ILDR2: variants seen among roughly 807,000 people sequenced by gnomAD.
ILDR2 encodes immunoglobulin like domain containing receptor 2, also known as immunoglobulin-like domain-containing receptor 2.
A neutral mutation model predicts 66.8 loss-of-function variants in ILDR2; 25 were observed. The ratio of observed to expected loss-of-function variants is 0.37; its 90% confidence interval spans 0.27 to 0.52. The LOEUF (loss-of-function observed/expected upper bound fraction) is 0.52. ILDR2 is among the 20% of genes least tolerant of loss of function. The pLI is 0.88. For synonymous variants in ILDR2, 367 were observed against 357.2 expected (o/e 1.03, Z -0.31); for missense variants, 827 against 876.8 (o/e 0.94, Z 0.72).
At chr1:166,969,710 C>G (rs1169359278) in intron 1 of ILDR2, among the ~76,000 whole-genome samples, 1 of 152,220 alleles carries the variant, frequency 6.6e-6, no homozygotes, top group Non-Finnish European at 1.5e-5. Context: ...ATATCCAATG[C>G]CCCATAATAG....
At chr1:166,899,908 G>C (rs1659232475) in intron 2 of ILDR2, among the ~76,000 whole-genome samples, 1 of 152,180 alleles carries the variant, frequency 6.6e-6, no homozygotes, top group South Asian at 2.1e-4. Context: ...GACAATGCAA[G>C]GATTGGCTCT....
At chr1:166,966,763 T>C (rs2102017319) in intron 1 of ILDR2, among the ~76,000 whole-genome samples, 1 of 152,328 alleles carries the variant, frequency 6.6e-6, no homozygotes, top group South Asian at 2.1e-4. Flanking sequence ...GAGGTCAGTC[T>C]TTACCCTGCA....
At chr1:166,899,482 C>T (rs780349900) in intron 2 of ILDR2, among the ~76,000 whole-genome samples, 4 of 151,968 alleles carry the variant, frequency 2.6e-5, no homozygotes, top group Non-Finnish European at 5.9e-5. Flanking sequence ...TGAACATACA[C>T]GTGCTAACCA....
rs1377332250 is a variant in ILDR2 at position 166,915,615 on chromosome 1, T to C, written c.*3740A>G. On this transcript the variant is annotated 3_prime_UTR_variant, in exon 10 of 10. Transcript: ENST00000271417. ...CCTAATAGGTTTGTGACTTCATTAA[T>C]GGCAGTGATGGTTTCTTCACCTATT... 1 of 152,228 alleles carries C rather than the reference T, an allele frequency of 6.6e-6. No homozygotes were observed. Among genetic ancestry groups the C allele is most frequent in the Non-Finnish European group, 1.5e-5 (1 of 68,044 alleles). The allele number at this position is 152,228 out of a possible 1,614,324, so 9.4% of individuals were successfully genotyped here.
chr1:166,956,070 C>T (rs2101976070), intron 3 of ILDR2, among the ~76,000 whole-genome samples: 1 of 152,184 alleles, frequency 6.6e-6, no homozygotes, highest in Admixed American at 6.5e-5. Context: ...TCCTCCAATC[C>T]ACAAAAAAGG....
At chr1:166,903,456 T>C (rs181762066), downstream of ILDR2, among the ~76,000 whole-genome samples, 3 of 152,332 alleles carry the variant, frequency 2.0e-5, no homozygotes, top group Non-Finnish European at 2.9e-5. Context: ...TTCAGTCAAG[T>C]AAGGTGGGTG....
In ILDR2 at chr1:166,915,474, C is replaced by T. The variant is rs150014163; in HGVS notation, c.*3881G>A. 1.6e-4 allele frequency: 24 copies of T among 152,310 alleles called. 1 individual carries two copies. The East Asian group carries it at 3.9e-3, about 25-fold the overall frequency. 9.4% of individuals were successfully genotyped at this position (152,310 alleles called of 1,614,324 possible). Reference sequence around the variant, plus strand: ...GCTCTAGACCCACCCAATCAATCTCCAAAACAGGGTCCAACAATACCTTTT... The same window carrying T: ...GCTCTAGACCCACCCAATCAATCTCTAAAACAGGGTCCAACAATACCTTTT... On this transcript the variant is annotated 3_prime_UTR_variant, in exon 10 of 10. Transcript: ENST00000271417.
At position 166,946,867 on chromosome 1, in the gene ILDR2, A is replaced by G. The variant is rs915897786; in HGVS notation, c.500-7297T>C. On this transcript the variant is annotated intron_variant, in intron 3 of 9. Coordinates refer to ENST00000271417, the MANE Select transcript of ILDR2 (RefSeq NM_199351.3). Reference sequence around the variant, plus strand: ...TGTTTTTGGCACTACTGCTCTACTTATGTAATTAAAATACAATTTTTGGAT... The same window carrying G: ...TGTTTTTGGCACTACTGCTCTACTTGTGTAATTAAAATACAATTTTTGGAT... 2.6e-5 allele frequency among the ~76,000 whole-genome samples: 4 copies of G among 152,234 alleles called. No homozygotes were observed. In the East Asian group the frequency reaches 7.7e-4, roughly 29 times the overall value.
At position 166,921,160 on chromosome 1, in the gene ILDR2, G is replaced by A. The variant is rs1659908924; in HGVS notation, c.1431C>T (p.Tyr477=). Reference sequence around the variant, plus strand: ...CGCGGCTGCGGCTGCGCTGACCGTAGTACTCCTCCAAGGAGTCGTCCTGGT... The same window carrying A: ...CGCGGCTGCGGCTGCGCTGACCGTAATACTCCTCCAAGGAGTCGTCCTGGT... The part of the protein sequence containing the change: ...GFYQDDSLEE[Y]YGQRSRSREP... Residue 477 remains tyrosine (Y), a synonymous_variant, in exon 9 of 10, where the codon TAC becomes TAT. Coordinates refer to ENST00000271417, the MANE Select transcript of ILDR2 (RefSeq NM_199351.3). The surrounding 1 kb of genome is among the most constrained non-coding windows in gnomAD (Gnocchi z 5.3). 1 of 1,543,454 alleles carries A rather than the reference G, an allele frequency of 6.5e-7. No individual in the cohort carries two copies. The highest frequency in any genetic ancestry group is 1.9e-5 in the Admixed American group (1 of 51,682).
intron 3 of ILDR2, among the ~76,000 whole-genome samples, chr1:166,948,124 G>A (rs1280688408): frequency 6.6e-6 from 1 of 152,048 alleles, no homozygotes; most frequent in East Asian, 1.9e-4. Flanking sequence ...CCCCAGGAAC[G>A]AAATGCCAGA....
chr1:166,920,904 C>A lies in ILDR2; in HGVS notation c.1687G>T (p.Ala563Ser). Residue 563 changes from alanine to serine, a missense_variant, in exon 9 of 10, where the codon GCC (alanine) becomes TCC (serine). Physicochemically the swap from Ala to Ser is moderately conservative, Grantham distance 99. Transcript: ENST00000271417. ...GGCGGCGACCAAGCGTAGTAGGAGG[C>A]GCTGCGCGGGCCGAGCTGCGCGCTC... The part of the protein sequence containing the change: ...KRSAQLGPRS[A>S]SYYAWSPPGT... 6.8e-7 allele frequency: 1 copy of A among 1,477,738 alleles called. No individual in the cohort carries two copies. The highest frequency in any genetic ancestry group is 8.9e-7 in the Non-Finnish European group (1 of 1,119,982). 91.5% of individuals were successfully genotyped at this position (1,477,738 alleles called of 1,614,324 possible).
chr1:166,967,673 C>T (rs1663043739), intron 1 of ILDR2, among the ~76,000 whole-genome samples: 2 of 152,166 alleles, frequency 1.3e-5, no homozygotes, highest in Non-Finnish European at 2.9e-5. Flanking sequence ...ACAAGAACTG[C>T]TTGATCTGGG....
chr1:166,959,446 C>G (rs1393503362), intron 1 of ILDR2, among the ~76,000 whole-genome samples: 1 of 152,074 alleles, frequency 6.6e-6, no homozygotes, highest in Non-Finnish European at 1.5e-5. Flanking sequence ...AAGTGACTTC[C>G]CTTCCAGTGG....
chr1:166,971,142 GATCTTT>G (rs1399411603), intron 1 of ILDR2, among the ~76,000 whole-genome samples: 1 of 152,146 alleles, frequency 6.6e-6, no homozygotes, highest in Admixed American at 6.5e-5. Context: ...CCAGAGTACA[GATCTTT>G]ATCACTGCTT....
rs138278325 is a variant in ILDR2, at chr1:166,956,791, G to A, written c.441C>T (p.Ile147=). ...TCCCCTCCAGGTCATCTGGGGTGGT[G>A]ATAATACAGTAATAGAGTCCGCTGT... ...WGDSGLYYCI[I]TTPDDLEGKN... is the part of the protein sequence containing the mutation. The change falls in exon 3 of 10, where the codon ATC becomes ATT. Residue 147 remains isoleucine, a synonymous_variant. Transcript: ENST00000271417. 24 of 1,613,846 alleles carry A rather than the reference G, an allele frequency of 1.5e-5. No individual in the cohort carries two copies. Among genetic ancestry groups the A allele is most frequent in the Non-Finnish European group, 1.9e-5 (22 of 1,179,876 alleles).
At position 166,936,561 on chromosome 1, in the gene ILDR2, C is replaced by T; in HGVS notation, c.703+30G>A. The stretch of plus-strand genomic sequence containing the variant: ...GAGAGGTAGACATTTCTCTCGATCG[C>T]TCTGTCTCCCCAGCGGTCACTGTAC... On this transcript the variant is annotated intron_variant, in intron 5 of 9. Transcript: ENST00000271417. The surrounding 1 kb of genome is among the most constrained non-coding windows in gnomAD (Gnocchi z 5.0). 6.2e-7 allele frequency: 1 copy of T among 1,613,984 alleles called. No individual in the cohort carries two copies. Among genetic ancestry groups the T allele is most frequent in the African/African-American group, 1.3e-5 (1 of 75,020 alleles).
intron 2 of ILDR2, 124 bp from the exon 3 acceptor site, chr1:166,956,976 G>A (rs995938297): frequency 1.3e-5 from 12 of 953,620 alleles, no homozygotes; most frequent in Admixed American, 5.7e-5. Context: ...TTCTTTATCT[G>A]GATGGTGGTT....
chr1:166,968,489 A>G (rs1301864338), intron 1 of ILDR2, among the ~76,000 whole-genome samples: 1 of 152,166 alleles, frequency 6.6e-6, no homozygotes, highest in Non-Finnish European at 1.5e-5. Context: ...CAGACTTCTA[A>G]AGACTGATAC....
At chr1:166,946,661 C>T (rs552079386) in intron 3 of ILDR2, among the ~76,000 whole-genome samples, 10 of 152,206 alleles carry the variant, frequency 6.6e-5, no homozygotes, top group African/African-American at 2.2e-4. Flanking sequence ...GAATCTTACC[C>T]CAAGTCACAC....
Sources: allele counts gnomAD v4.1 joint callset (sites outside exome capture counted in the v4.1 genomes callset), GRCh38; gene constraint gnomAD v4.1.1; non-coding constraint Gnocchi (gnomAD v3.1); transcripts MANE v1.5; gene names NCBI Gene and HGNC (gene_info 2026-07-23, HGNC 2026-07-21).